The following MAGI2 variants were observed in gnomAD, a reference collection of about 807,000 sequenced individuals.
MAGI2 encodes membrane associated guanylate kinase, WW and PDZ domain containing 2.
In MAGI2, 35 loss-of-function variants were observed where a neutral mutation model predicts 133.3. The ratio of observed to expected loss-of-function variants is 0.26; its 90% confidence interval spans 0.20 to 0.35. The LOEUF is 0.35. MAGI2 is among the 10% of genes least tolerant of loss of function. The pLI is 1.00. For missense variants in MAGI2, 1,636 were observed against 1,863.4 expected (o/e 0.88, Z 2.25); for synonymous variants, 729 against 710.6 (o/e 1.03, Z -0.41).
intron 16 of MAGI2, among the ~76,000 whole-genome samples, chr7:78,152,387 G>A (rs1036458879): frequency 6.6e-6 from 1 of 152,160 alleles, no homozygotes; most frequent in African/African-American, 2.4e-5. Context: ...ATGGACAAGA[G>A]ATGTGTTTAA....
At position 78,307,311 on chromosome 7, in the gene MAGI2, C is replaced by T. The variant is rs1249100278; in HGVS notation, c.1408+36467G>A. 3.3e-5 allele frequency among the ~76,000 whole-genome samples: 5 copies of T among 152,270 alleles called. No homozygotes were observed. In the East Asian group the frequency reaches 5.8e-4, roughly 18 times the overall value. On this transcript the variant is annotated intron_variant, in intron 9 of 21. Coordinates refer to ENST00000354212, the MANE Select transcript of MAGI2 (RefSeq NM_012301.4). ...TATTAGAACAATTAAAAACTTGTTA[C>T]TGACCTTTTGGCTAATGAATTTAAA...
intron 3 of MAGI2, among the ~76,000 whole-genome samples, chr7:78,557,516 C>T (rs1000095847): frequency 9.9e-5 from 15 of 152,158 alleles, no homozygotes; most frequent in African/African-American, 3.1e-4. Context: ...GTATCTGGCC[C>T]TCTAGCCAAG....
intron 2 of MAGI2, among the ~76,000 whole-genome samples, chr7:78,847,339 T>C (rs1485981279): frequency 6.6e-6 from 1 of 151,934 alleles, no homozygotes; most frequent in Non-Finnish European, 1.5e-5. Flanking sequence ...GATCACTCCA[T>C]AAACTAAAAA....
At chr7:78,367,959 C>G (rs983480766) in intron 7 of MAGI2, among the ~76,000 whole-genome samples, 2 of 152,076 alleles carry the variant, frequency 1.3e-5, no homozygotes, top group African/African-American at 4.8e-5. Flanking sequence ...ATTTATCTTA[C>G]TTTTTTTGTA....
intron 9 of MAGI2, among the ~76,000 whole-genome samples, chr7:78,288,341 T>C (rs1796360985): frequency 6.6e-6 from 1 of 152,238 alleles, no homozygotes; most frequent in Non-Finnish European, 1.5e-5. Flanking sequence ...TATTTTCCCA[T>C]TAAAACTCAA....
In MAGI2 at chr7:79,322,972, G is replaced by A. The variant is rs375876226; in HGVS notation, c.301+130048C>T. On this transcript the variant is annotated intron_variant, in intron 1 of 21. Coordinates refer to ENST00000354212, the MANE Select transcript of MAGI2 (RefSeq NM_012301.4). ...TCCCACCTCAGCTTCCCAAGTAGCTGGGACTGCACGCATGCACCATTACTC... is the reference window on the plus strand; with the variant it reads ...TCCCACCTCAGCTTCCCAAGTAGCTAGGACTGCACGCATGCACCATTACTC... 3.9e-5 allele frequency among the ~76,000 whole-genome samples: 6 copies of A among 152,148 alleles called. No homozygotes were observed. In the South Asian group the frequency reaches 1.2e-3, roughly 32 times the overall value.
intron 20 of MAGI2, among the ~76,000 whole-genome samples, chr7:78,114,305 T>A (rs3807728): frequency 6.6e-6 from 1 of 152,016 alleles, no homozygotes; most frequent in Non-Finnish European, 1.5e-5. Flanking sequence ...ATGTAAATCA[T>A]GCACCAATGA....
intron 2 of MAGI2, among the ~76,000 whole-genome samples, chr7:79,006,276 G>T (rs572237890): frequency 1.3e-5 from 2 of 151,918 alleles, no homozygotes; most frequent in Non-Finnish European, 2.9e-5. Flanking sequence ...TATTTAGAAC[G>T]GAACTAAAAG....
intron 20 of MAGI2, among the ~76,000 whole-genome samples, chr7:78,098,092 C>G (rs184012052): frequency 6.6e-6 from 1 of 152,232 alleles, no homozygotes; most frequent in Admixed American, 6.5e-5. Flanking sequence ...TCTTTGCACT[C>G]ACCAGCCAGA....
At chr7:79,093,651 T>C (rs1817264890) in intron 1 of MAGI2, among the ~76,000 whole-genome samples, 1 of 151,952 alleles carries the variant, frequency 6.6e-6, no homozygotes, top group African/African-American at 2.4e-5. Context: ...TGCTCAAGGT[T>C]TGGGTGCTGT....
intron 3 of MAGI2, among the ~76,000 whole-genome samples, chr7:78,621,617 G>A (rs1280475776): frequency 6.6e-6 from 1 of 151,884 alleles, no homozygotes; most frequent in Non-Finnish European, 1.5e-5. Context: ...CAGAAGAAAG[G>A]CTTTAAGAAT....
At chr7:78,321,936 C>A (rs1788045643) in intron 9 of MAGI2, among the ~76,000 whole-genome samples, 1 of 151,902 alleles carries the variant, frequency 6.6e-6, no homozygotes, top group Admixed American at 6.6e-5. Context: ...AAAAAACAAC[C>A]CCCTCAAAAA....
At chr7:78,809,136 G>A (rs548425531) in intron 2 of MAGI2, among the ~76,000 whole-genome samples, 112 of 152,260 alleles carry the variant, frequency 7.4e-4, no homozygotes, top group African/African-American at 2.6e-3. Context: ...TCAGACTATG[G>A]ACTTGCAATA....
intron 1 of MAGI2, among the ~76,000 whole-genome samples, chr7:79,100,534 A>G (rs980611753): frequency 6.6e-5 from 10 of 151,674 alleles, no homozygotes; most frequent in Admixed American, 2.6e-4. Context: ...TAACGTGTAT[A>G]TCTCTTTATT....
chr7:78,769,121 T>C (rs913836592), intron 2 of MAGI2, among the ~76,000 whole-genome samples: 2 of 152,200 alleles, frequency 1.3e-5, no homozygotes, highest in Non-Finnish European at 1.5e-5. Flanking sequence ...AGGACAGTAG[T>C]ACATTCCCTC....
intron 1 of MAGI2, among the ~76,000 whole-genome samples, chr7:79,399,913 G>C (rs1845351167): frequency 6.6e-6 from 1 of 152,156 alleles, no homozygotes; most frequent in African/African-American, 2.4e-5. Flanking sequence ...TATTGTATTA[G>C]TGTTCCATCT....
chr7:79,026,765 T>C (rs534231951), intron 1 of MAGI2, among the ~76,000 whole-genome samples: 32 of 152,006 alleles, frequency 2.1e-4, no homozygotes, highest in African/African-American at 7.5e-4. Context: ...TCCCAGCTAT[T>C]TGGGGGCTGA....
chr7:78,543,714 T>C (rs188133677), intron 3 of MAGI2, among the ~76,000 whole-genome samples: 7 of 152,342 alleles, frequency 4.6e-5, no homozygotes, highest in Non-Finnish European at 8.8e-5. Flanking sequence ...TCTTGCATGC[T>C]GGTTCATAAG....
intron 1 of MAGI2, among the ~76,000 whole-genome samples, chr7:79,120,012 G>A (rs1360618745): frequency 6.6e-6 from 1 of 151,998 alleles, no homozygotes; most frequent in Non-Finnish European, 1.5e-5. Flanking sequence ...CTGATAGCAA[G>A]TTTGTTTGTT....
Sources: gnomAD v4.1 joint callset for allele counts (sites outside exome capture counted in the v4.1 genomes callset) on GRCh38, gnomAD v4.1.1 for gene constraint, MANE v1.5 for transcripts, NCBI Gene and HGNC (gene_info 2026-07-23, HGNC 2026-07-21) for gene names.